Variants in ACACA observed in about 807,000 individuals in gnomAD.
ACACA encodes the protein acetyl-CoA carboxylase alpha, also known as acetyl-CoA carboxylase 1.
In ACACA, 103 loss-of-function variants were observed where a neutral mutation model predicts 296.1. The ratio of observed to expected loss-of-function variants is 0.35; its 90% CI spans 0.30 to 0.41. The LOEUF (loss-of-function observed/expected upper bound fraction) is 0.41. Among genes scored for constraint, ACACA ranks in the 10% least tolerant of loss-of-function variants. The probability of loss-of-function intolerance (pLI) is 1.00; values close to 1 mark genes in which losing one functional copy is unlikely to be tolerated. For synonymous variants in ACACA, 953 were observed against 1,038.6 expected (o/e 0.92, Z 1.58); for missense variants, 1,554 against 2,989.7 (o/e 0.52, Z 11.20).
rs1231059252 is a variant in ACACA, at chr17:37,323,173, TG to T, written c.338+6999del. 4.6e-5 allele frequency among the ~76,000 whole-genome samples: 7 copies of T among 152,410 alleles called. No homozygotes were observed. In the East Asian group the frequency reaches 1.3e-3, roughly 29 times the overall value. ...GGAGCCCAAAAGTGCTTCCCATGGC[TG>T]TTGCACCTGCCCATCTGCATCCTCC... is the stretch of plus-strand genomic sequence containing the variant. On this transcript the variant is annotated intron_variant, in intron 3 of 55. Coordinates refer to ENST00000616317, the MANE Select transcript of ACACA (RefSeq NM_198834.3).
At chr17:37,212,875 C>G (rs2078812733) in intron 29 of ACACA, among the ~76,000 whole-genome samples, 1 of 148,936 alleles carries the variant, frequency 6.7e-6, no homozygotes, top group East Asian at 2.0e-4. Context: ...TACTGTGATA[C>G]ACCAGAAAGC....
chr17:37,100,341 C>T lies in ACACA; in HGVS notation c.6566-2357G>A, dbSNP rs537404945. 2.6e-5 allele frequency among the ~76,000 whole-genome samples: 4 copies of T among 152,212 alleles called. No individual in the cohort carries two copies. In the East Asian group the frequency reaches 7.7e-4, roughly 29 times the overall value. On this transcript the variant is annotated intron_variant, in intron 52 of 55. Transcript: ENST00000616317. ...TTAACCTAGTGAACAACACCTTAAGCAAGTAATTAAATTATCACCAAGAGG... is the reference window on the plus strand; with the variant it reads ...TTAACCTAGTGAACAACACCTTAAGTAAGTAATTAAATTATCACCAAGAGG...
intron 1 of ACACA, among the ~76,000 whole-genome samples, chr17:37,348,138 G>A (rs2048716911): frequency 6.7e-6 from 1 of 150,268 alleles, no homozygotes; most frequent in Admixed American, 6.6e-5. Context: ...GTGACTGAGT[G>A]AGACTCTGTC....
chr17:37,156,070 T>C, intron 42 of ACACA, among the ~76,000 whole-genome samples: 1 of 137,442 alleles, frequency 7.3e-6, no homozygotes, highest in Admixed American at 7.1e-5. Context: ...TTTTTTTTTT[T>C]TTTTTTTTGT....
intron 29 of ACACA, among the ~76,000 whole-genome samples, chr17:37,214,046 T>A (rs150239755): frequency 4.6e-5 from 7 of 151,424 alleles, no homozygotes; most frequent in African/African-American, 1.7e-4. Flanking sequence ...AAACAAGCAG[T>A]GGTTACATCA....
rs536992854 is a variant in ACACA, at chr17:37,238,283, CCT to C, written c.3121+2191_3121+2192del. Reference sequence around the variant, plus strand: ...AGATAGGGATTCCATTTCTTTCTTTCCTCTTTTTTTTTTTTTAAATGAATAAC... The same window carrying C: ...AGATAGGGATTCCATTTCTTTCTTTCCTTTTTTTTTTTTTAAATGAATAAC... On this transcript the variant is annotated intron_variant, in intron 24 of 55. Coordinates refer to ENST00000616317, the MANE Select transcript of ACACA (RefSeq NM_198834.3). Among the ~76,000 whole-genome samples, 482 of 148,328 alleles carry C rather than the reference CCT, an allele frequency of 3.2e-3. 3 individuals carry two copies. The highest frequency in any genetic ancestry group is 0.011 in the African/African-American group (447 of 40,504).
intron 45 of ACACA, chr17:37,141,448 A>AG (rs2075574937): frequency 3.4e-6 from 1 of 293,542 alleles, no homozygotes; most frequent in South Asian, 3.5e-5. Flanking sequence ...TATTTTGTAG[A>AG]GGGGGTCTTG....
chr17:37,400,156 G>A (rs941637582), intron 1 of ACACA, among the ~76,000 whole-genome samples: 14 of 152,128 alleles, frequency 9.2e-5, no homozygotes, highest in African/African-American at 3.4e-4. Flanking sequence ...GTCTTGCTCT[G>A]TTGCCCAGGC....
intron 39 of ACACA, 83 bp downstream of exon 39, chr17:37,188,194 A>G (rs2077610055): frequency 7.6e-7 from 1 of 1,307,762 alleles, no homozygotes; most frequent in African/African-American, 1.5e-5. Context: ...GGGATTTGTG[A>G]GTGTGGGTCT....
chr17:37,088,291 G>T (rs570878395), intron 55 of ACACA, among the ~76,000 whole-genome samples: 58 of 152,212 alleles, frequency 3.8e-4, no homozygotes, highest in African/African-American at 1.3e-3. Flanking sequence ...GAAATATTTG[G>T]GGGTAAAGGC....
In ACACA at chr17:37,380,258, G is replaced by C. The variant is rs55885829; in HGVS notation, c.38+26004C>G. Among the ~76,000 whole-genome samples, 1,018 of 128,186 alleles carry C rather than the reference G, an allele frequency of 7.9e-3. 11 individuals carry two copies. The highest frequency in any genetic ancestry group is 0.03 in the African/African-American group (987 of 32,954). 84.1% of individuals were successfully genotyped at this position (128,186 alleles called of 152,430 possible). ...CATGGACACAGGAAGGGGAACATCA[G>C]ACTCTGGGGACTGTTGTGGGGTGGG... is the stretch of plus-strand genomic sequence containing the variant. On this transcript the variant is annotated intron_variant, in intron 1 of 55. Transcript: ENST00000616317.
intron 3 of ACACA, among the ~76,000 whole-genome samples, chr17:37,319,196 A>G (rs1567988687): frequency 6.6e-6 from 1 of 152,204 alleles, no homozygotes; most frequent in Non-Finnish European, 1.5e-5. Context: ...TTTAAAGAAC[A>G]TAATACACAA....
In ACACA at chr17:37,192,236, T is replaced by C. The variant is rs1478324178; in HGVS notation, c.4270A>G (p.Arg1424Gly). Residue 1424 changes from arginine to glycine, a missense_variant, in exon 37 of 56, where the codon AGA (arginine) becomes GGA (glycine). Transcript: ENST00000616317. ...LAFQLELNRM[R>G]NFDLTAIPCA... is the part of the protein sequence containing the mutation. The stretch of plus-strand genomic sequence containing the variant: ...GGAATGGCAGTGAGGTCAAAATTTC[T>C]CATCCGGTTCAGCTCTAACTGGAAA... 7 of 1,614,086 alleles carry C rather than the reference T, an allele frequency of 4.3e-6. No individual in the cohort carries two copies. The highest frequency in any genetic ancestry group is 5.9e-6 in the Non-Finnish European group (7 of 1,180,022).
intron 54 of ACACA, among the ~76,000 whole-genome samples, chr17:37,090,661 C>A (rs894639315): frequency 6.6e-6 from 1 of 152,166 alleles, no homozygotes; most frequent in Non-Finnish European, 1.5e-5. Context: ...CCCCTATCCA[C>A]GAGGGAGAAG....
chr17:37,354,817 G>T (rs1275437472), intron 1 of ACACA, among the ~76,000 whole-genome samples: 2 of 152,098 alleles, frequency 1.3e-5, no homozygotes, highest in Admixed American at 6.6e-5. Context: ...TGCAGTCCCA[G>T]CTACTCCAGA....
intron 2 of ACACA, among the ~76,000 whole-genome samples, chr17:37,331,206 C>T (rs2047866697): frequency 1.3e-5 from 2 of 151,726 alleles, no homozygotes; most frequent in Admixed American, 6.6e-5. Flanking sequence ...CAAGCTCCGC[C>T]TCCCGGGTTC....
chr17:37,262,612 T>C (rs2081565931), intron 11 of ACACA, among the ~76,000 whole-genome samples: 2 of 152,196 alleles, frequency 1.3e-5, no homozygotes, highest in Admixed American at 1.3e-4. Flanking sequence ...AACAAAATTT[T>C]ATTTACAAAA....
chr17:37,270,685 T>C, intron 10 of ACACA, 66 bp downstream of exon 10: 2 of 1,200,274 alleles, frequency 1.7e-6, no homozygotes, highest in Non-Finnish European at 2.5e-6. Context: ...AATTATAGTA[T>C]GAGTTAAATC....
chr17:37,088,603 A>T (rs2072385824), intron 55 of ACACA, among the ~76,000 whole-genome samples: 1 of 152,206 alleles, frequency 6.6e-6, no homozygotes, highest in African/African-American at 2.4e-5. Context: ...GGAGGTGAGG[A>T]GGTGGTTTCC....
Sources: allele counts gnomAD v4.1 joint callset (sites outside exome capture counted in the v4.1 genomes callset), GRCh38; gene constraint gnomAD v4.1.1; transcripts MANE v1.5; gene names NCBI Gene and HGNC (gene_info 2026-07-23, HGNC 2026-07-21).